CC2D2B: variants seen among roughly 807,000 people sequenced by gnomAD.
CC2D2B encodes protein CC2D2B.
A neutral mutation model predicts 161.2 loss-of-function variants in CC2D2B; 128 were observed. The observed-to-expected ratio is 0.79, with a 90% confidence interval of 0.69 to 0.92. The LOEUF (loss-of-function observed/expected upper bound fraction) is 0.92, where lower values mean the gene tolerates loss of function less well. Ranked by LOEUF, CC2D2B falls within the 40% of genes least tolerant of loss-of-function variation. The pLI, the probability that CC2D2B is intolerant of heterozygous loss-of-function variation, is 0.00. For synonymous variants in CC2D2B, 391 were observed against 449.8 expected, an observed-to-expected ratio of 0.87 and a Z score of 1.65; for missense variants, 1,173 against 1,375.1, an observed-to-expected ratio of 0.85 and a Z score of 2.32.
intron 2 of CC2D2B, among the ~76,000 whole-genome samples, chr10:95,917,007 GC>G (rs1206300284): frequency 6.6e-6 from 1 of 152,086 alleles, no homozygotes; most frequent in Non-Finnish European, 1.5e-5. Flanking sequence ...TCCAACTATT[GC>G]TGCATTGGTT....
At chr10:95,968,053 G>A (rs901780527) in intron 14 of CC2D2B, among the ~76,000 whole-genome samples, 3 of 152,166 alleles carry the variant, frequency 2.0e-5, no homozygotes, top group Admixed American at 6.5e-5. Flanking sequence ...AAAGACTCTA[G>A]GAGTTTTATA....
rs1455812259 is a variant in CC2D2B at position 95,938,707 on chromosome 10, C to T, written c.672+2C>T. 9.9e-6 allele frequency: 7 copies of T among 710,154 alleles called. No individual in the cohort carries two copies. The highest frequency in any genetic ancestry group is 1.8e-5 in the Non-Finnish European group (7 of 382,880). 44.0% of individuals were successfully genotyped at this position (710,154 alleles called of 1,614,324 possible). The stretch of plus-strand genomic sequence containing the variant: ...AATCGCCTGCTTAAACTAGAAGAGG[C>T]AAGTGCACCACCTAACAAGTTAAAA... On this transcript the variant is annotated splice_donor_variant, in intron 8 of 34. Transcript: ENST00000646931. LOFTEE classifies it low-confidence loss of function (GC_TO_GT_DONOR).
chr10:95,974,583 A>G lies in CC2D2B; in HGVS notation c.1943+427A>G, dbSNP rs556804023. Among the ~76,000 whole-genome samples, 11 of 152,314 alleles carry G rather than the reference A, an allele frequency of 7.2e-5. No homozygotes were observed. The South Asian group carries it at 2.3e-3, about 32-fold the overall frequency. On this transcript the variant is annotated intron_variant, in intron 17 of 34. Coordinates refer to ENST00000646931, the MANE Select transcript of CC2D2B (RefSeq NM_001349008.3). ...GGATTACTAGAAATAAGTACAGTAA[A>G]TTCTATGAAAATGATGATAATGCTG...
chr10:95,993,800 G>T (rs907696037), intron 22 of CC2D2B, among the ~76,000 whole-genome samples: 27 of 139,872 alleles, frequency 1.9e-4, no homozygotes, highest in African/African-American at 6.3e-4. Context: ...TATATAGAGA[G>T]AGAGAATATA....
At chr10:95,917,155 T>G (rs1038872724) in intron 2 of CC2D2B, among the ~76,000 whole-genome samples, 3 of 152,206 alleles carry the variant, frequency 2.0e-5, no homozygotes, top group Admixed American at 1.3e-4. Flanking sequence ...CTTTGTCTGT[T>G]TTTGTCTTGA....
intron 19 of CC2D2B, chr10:95,984,657 G>T (rs2141613440): frequency 6.6e-6 from 1 of 152,250 alleles, no homozygotes; most frequent in African/African-American, 2.4e-5. Flanking sequence ...CAGAAGGATA[G>T]TTTGAGTCCA....
chr10:95,996,243 T>C lies in CC2D2B; in HGVS notation c.2840T>C (p.Val947Ala). Reference protein sequence around the residue: ...SHPCWNEEIKVDFVSPGHDYS... With the variant: ...SHPCWNEEIKADFVSPGHDYS... ...CCATGCTGGAATGAAGAAATTAAAG[T>C]AGATTTTGTGTAAGTTGGAGTTCAT... The change falls in exon 24 of 35, where the codon GTA becomes GCA. Residue 947 changes from valine to alanine, a missense_variant. By Grantham distance (64) the Val-to-Ala change is moderately conservative. Around this residue, in one of 3 missense-constraint regions of CC2D2B, gnomAD observed 598 missense variants for 693.2 expected, o/e 0.86. Coordinates refer to ENST00000646931, the MANE Select transcript of CC2D2B (RefSeq NM_001349008.3). 7.0e-7 allele frequency: 1 copy of C among 1,434,658 alleles called. No homozygotes were observed. The allele number at this position is 1,434,658 out of a possible 1,614,324, so 88.9% of individuals were successfully genotyped here.
At chr10:95,992,219 A>G (rs1170802656) in intron 21 of CC2D2B, among the ~76,000 whole-genome samples, 1 of 152,236 alleles carries the variant, frequency 6.6e-6, no homozygotes, top group East Asian at 1.9e-4. Flanking sequence ...TTCCTGAACA[A>G]TGAATAATCT....
chr10:95,983,447 A>ATTTTGTTTTG (rs71034355), intron 18 of CC2D2B, among the ~76,000 whole-genome samples, 159 bp from the exon 19 acceptor site: 90,584 of 151,280 alleles, frequency 0.6, 27,226 homozygotes, highest in East Asian at 0.82. Context: ...GCTGGATTCT[A>ATTTTGTTTTG]TTTTGTTTTG....
chr10:96,015,817 T>G (rs556056460), intron 29 of CC2D2B, among the ~76,000 whole-genome samples: 1 of 152,310 alleles, frequency 6.6e-6, no homozygotes, highest in South Asian at 2.1e-4. Context: ...AAGGATCACT[T>G]CCTACAAACA....
chr10:96,009,984 T>G (rs2078916288), intron 26 of CC2D2B, 61 bp downstream of exon 26: 1 of 1,011,762 alleles, frequency 9.9e-7, no homozygotes, highest in Non-Finnish European at 1.5e-6. Flanking sequence ...AGAAAAACTT[T>G]CTGTTGTCTT....
intron 11 of CC2D2B, 102 bp downstream of exon 11, chr10:95,955,593 T>C (rs970086301): frequency 4.6e-5 from 18 of 393,694 alleles, no homozygotes; most frequent in Non-Finnish European, 8.1e-5. Flanking sequence ...ACACAATCCT[T>C]ACTTTTTAGG....
intron 17 of CC2D2B, among the ~76,000 whole-genome samples, chr10:95,978,808 GTTTA>G (rs1341333913): frequency 2.6e-5 from 4 of 152,054 alleles, no homozygotes; most frequent in East Asian, 1.9e-4. Flanking sequence ...CCAGTATAAG[GTTTA>G]TTTGATTTTT....
chr10:96,031,761 G>C, intron 34 of CC2D2B, 59 bp from the exon 35 acceptor site: 1 of 1,394,458 alleles, frequency 7.2e-7, no homozygotes, highest in Non-Finnish European at 1.0e-6. Context: ...TTTGCATACA[G>C]TAATTCCAGA....
At chr10:95,998,369 A>G (rs936971548) in intron 24 of CC2D2B, among the ~76,000 whole-genome samples, 1 of 152,168 alleles carries the variant, frequency 6.6e-6, no homozygotes, top group Admixed American at 6.5e-5. Flanking sequence ...CCATTATAGT[A>G]TCACACAGAA....
chr10:95,973,923 C>T (rs2077229086), intron 16 of CC2D2B, 86 bp from the exon 17 acceptor site: 1 of 661,930 alleles, frequency 1.5e-6, no homozygotes. Context: ...CCTAGAGTTC[C>T]ACAAGTAAAA....
chr10:95,922,965 T>C (rs2098530585), intron 3 of CC2D2B, among the ~76,000 whole-genome samples: 1 of 151,984 alleles, frequency 6.6e-6, no homozygotes, highest in South Asian at 2.1e-4. Context: ...TTTTTTTTTT[T>C]TTTTGAGATG....
At chr10:96,022,596 G>A (rs1464197118) in intron 32 of CC2D2B, 5 of 152,230 alleles carry the variant, frequency 3.3e-5, no homozygotes, top group Non-Finnish European at 5.9e-5. Flanking sequence ...CTCCTAGGGG[G>A]AGAATAATCT....
chr10:95,944,915 G>T (rs2076144806), intron 9 of CC2D2B, among the ~76,000 whole-genome samples: 1 of 152,186 alleles, frequency 6.6e-6, no homozygotes, highest in South Asian at 2.1e-4. Flanking sequence ...TAAAATTCAG[G>T]TTTTTTCAAT....
Sources: allele counts gnomAD v4.1 joint callset (sites outside exome capture counted in the v4.1 genomes callset), GRCh38; gene constraint gnomAD v4.1.1; regional missense constraint gnomAD v4.1.1; transcripts MANE v1.5; gene names NCBI Gene and HGNC (gene_info 2026-07-23, HGNC 2026-07-21).